CADPS: variants seen among roughly 807,000 people sequenced by gnomAD.
CADPS encodes the protein calcium dependent secretion activator, also known as calcium-dependent secretion activator 1.
Under a neutral mutation model 167.3 loss-of-function variants are expected in CADPS, and 57 were observed. That is an observed-to-expected ratio of 0.34 (90% CI 0.28 to 0.42). The LOEUF is 0.42. CADPS is among the 20% of genes least tolerant of loss of function. The pLI, the probability that CADPS is intolerant of heterozygous loss-of-function variation, is 1.00. For missense variants in CADPS, 1,414 were observed against 1,738.1 expected (o/e 0.81, Z 3.32); for synonymous variants, 676 against 635.3 (o/e 1.06, Z -0.96).
intron 16 of CADPS, 87 bp from the exon 17 acceptor site, chr3:62,512,855 C>T (rs1375311889): frequency 8.0e-6 from 9 of 1,129,778 alleles, no homozygotes; most frequent in African/African-American, 4.7e-5. Context: ...GACCAAAATG[C>T]CCCCCACTTA....
chr3:62,815,229 T>G (rs2094558790), intron 1 of CADPS, among the ~76,000 whole-genome samples: 2 of 151,864 alleles, frequency 1.3e-5, no homozygotes, highest in South Asian at 4.2e-4. Flanking sequence ...AGCAGTAGAA[T>G]GGGTGAAATA....
At chr3:62,747,425 A>T (rs1321573050) in intron 3 of CADPS, among the ~76,000 whole-genome samples, 1 of 152,210 alleles carries the variant, frequency 6.6e-6, no homozygotes, top group Non-Finnish European at 1.5e-5. Context: ...TGAGGTATGG[A>T]TACAACCCAG....
chr3:62,729,237 T>G (rs1458194784), intron 3 of CADPS, among the ~76,000 whole-genome samples: 5 of 151,796 alleles, frequency 3.3e-5, no homozygotes, highest in Non-Finnish European at 4.4e-5. Flanking sequence ...GCAGACAGAT[T>G]TTACTTGTTT....
intron 12 of CADPS, among the ~76,000 whole-genome samples, chr3:62,534,758 C>G (rs527381392): frequency 1.3e-5 from 2 of 152,052 alleles, no homozygotes; most frequent in Non-Finnish European, 2.9e-5. Flanking sequence ...TATACAGAGG[C>G]AGGAGATAAG....
intron 1 of CADPS, among the ~76,000 whole-genome samples, chr3:62,784,335 G>A (rs1288154877): frequency 6.6e-6 from 1 of 152,094 alleles, no homozygotes; most frequent in Non-Finnish European, 1.5e-5. Flanking sequence ...CAAGCTTTTT[G>A]TGTGTGTTTG....
At chr3:62,635,605 C>A (rs1009901047) in intron 6 of CADPS, among the ~76,000 whole-genome samples, 21 of 150,394 alleles carry the variant, frequency 1.4e-4, no homozygotes, top group African/African-American at 4.6e-4. Flanking sequence ...TGGTGTCAAG[C>A]ACTCATACAA....
intron 6 of CADPS, among the ~76,000 whole-genome samples, chr3:62,605,062 T>C (rs1425442429): frequency 6.6e-6 from 1 of 152,224 alleles, no homozygotes; most frequent in African/African-American, 2.4e-5. Context: ...ATTGTGTCTT[T>C]GGAACTTGAA....
intron 28 of CADPS, among the ~76,000 whole-genome samples, chr3:62,422,701 T>C (rs1460841559): frequency 1.3e-5 from 2 of 152,224 alleles, no homozygotes; most frequent in Non-Finnish European, 2.9e-5. Context: ...ATTTGTATTA[T>C]GCACAGATTG....
chr3:62,820,554 C>G (rs1365936753), intron 1 of CADPS, among the ~76,000 whole-genome samples: 1 of 152,066 alleles, frequency 6.6e-6, no homozygotes. Flanking sequence ...GAAATATGAG[C>G]TCGGTAAGGA....
chr3:62,868,851 A>G (rs941583123), intron 1 of CADPS, among the ~76,000 whole-genome samples: 1 of 152,138 alleles, frequency 6.6e-6, no homozygotes, highest in Non-Finnish European at 1.5e-5. Context: ...CAACTCCTAT[A>G]TCTGGAGAGG....
chr3:62,663,017 G>C (rs775237198), intron 3 of CADPS, among the ~76,000 whole-genome samples: 3 of 152,156 alleles, frequency 2.0e-5, no homozygotes, highest in Non-Finnish European at 4.4e-5. Context: ...AATAAGCCTG[G>C]ACAATTCCCT....
At position 62,558,666 on chromosome 3, in the gene CADPS, T is replaced by C. The variant is rs560332344; in HGVS notation, c.1645-1153A>G. ...AGTGCTACATGCATCTCCCGCACTG[T>C]CCGAGGCTTGAGGGTCCCAGTGGAG... On this transcript the variant is annotated intron_variant, in intron 9 of 29. Coordinates refer to ENST00000383710, the MANE Select transcript of CADPS (RefSeq NM_003716.4). Among the ~76,000 whole-genome samples, 101 of 152,306 alleles carry C rather than the reference T, an allele frequency of 6.6e-4. 1 individual carries two copies. Among genetic ancestry groups the C allele is most frequent in the Non-Finnish European group, 1.0e-3 (71 of 68,026 alleles).
Position 62,481,784 on chromosome 3 carries a change from C to G in CADPS, c.3112G>C (p.Gly1038Arg). 1 of 1,610,928 alleles carries G rather than the reference C, an allele frequency of 6.2e-7. No individual in the cohort carries two copies. The highest frequency in any genetic ancestry group is 8.5e-7 in the Non-Finnish European group (1 of 1,178,890). ...GAAAAAGTAGGCATTTGTGGGATGC[C>G]TAGAGGGATGTTAACTGGTAGATTT... ...VPNLPVNIPL[G>R]IPQMPTFSAP... The change falls in exon 22 of 30, where the codon GGC (glycine) becomes CGC (arginine). Residue 1038 changes from glycine to arginine, a missense_variant. Physicochemically the swap from Gly to Arg is moderately radical, Grantham distance 125. This residue lies in a region of CADPS where 529 missense variants were observed against 629.6 expected (regional missense o/e 0.84). Transcript: ENST00000383710.
At chr3:62,643,495 T>C (rs1055806668) in intron 6 of CADPS, among the ~76,000 whole-genome samples, 1 of 152,222 alleles carries the variant, frequency 6.6e-6, no homozygotes, top group African/African-American at 2.4e-5. Context: ...AAGCCACATG[T>C]ATAGTTATGA....
rs147060496 is a variant in CADPS at position 62,711,397 on chromosome 3, T to G, written c.888+42044A>C. On this transcript the variant is annotated intron_variant, in intron 3 of 29. Transcript: ENST00000383710. Reference sequence around the variant, plus strand: ...CCTACATTCATAACTGAATGAAATGTTACATTTCAGGTAAAGGTTAGTAAA... The same window carrying G: ...CCTACATTCATAACTGAATGAAATGGTACATTTCAGGTAAAGGTTAGTAAA... 5.1e-3 allele frequency among the ~76,000 whole-genome samples: 784 copies of G among 152,338 alleles called. 10 individuals carry two copies. The highest frequency in any genetic ancestry group is 0.018 in the African/African-American group (751 of 41,578).
chr3:62,509,733 C>T (rs1482053481), intron 17 of CADPS, among the ~76,000 whole-genome samples: 2 of 152,048 alleles, frequency 1.3e-5, no homozygotes, highest in African/African-American at 4.8e-5. Flanking sequence ...TGATCCAGTT[C>T]CAGAAAGGAC....
At chr3:62,611,025 A>C (rs1465189122) in intron 6 of CADPS, among the ~76,000 whole-genome samples, 2 of 152,118 alleles carry the variant, frequency 1.3e-5, no homozygotes, top group Non-Finnish European at 2.9e-5. Flanking sequence ...ATACTGCTAA[A>C]CATCCTACAG....
chr3:62,837,009 C>T (rs570003391), intron 1 of CADPS, among the ~76,000 whole-genome samples: 2 of 152,214 alleles, frequency 1.3e-5, no homozygotes, highest in South Asian at 2.1e-4. Flanking sequence ...GGTAACTCTT[C>T]CCAATGAAGG....
At chr3:62,598,487 T>G (rs747750732) in intron 6 of CADPS, among the ~76,000 whole-genome samples, 13 of 152,240 alleles carry the variant, frequency 8.5e-5, no homozygotes, top group Non-Finnish European at 1.8e-4. Flanking sequence ...TTCTTTGTCC[T>G]TTTGTAGCCA....
Sources: gnomAD v4.1 joint callset for allele counts (sites outside exome capture counted in the v4.1 genomes callset) on GRCh38, gnomAD v4.1.1 for gene constraint, gnomAD v4.1.1 regional missense constraint, MANE v1.5 for transcripts, NCBI Gene and HGNC (gene_info 2026-07-23, HGNC 2026-07-21) for gene names.